Variants in MED13 observed in about 807,000 individuals in gnomAD.
The protein encoded by MED13 is mediator of RNA polymerase II transcription subunit 13.
A neutral mutation model predicts 225.2 loss-of-function variants in MED13; 23 were observed. The ratio of observed to expected loss-of-function variants is 0.10; its 90% CI spans 0.07 to 0.14. The LOEUF (loss-of-function observed/expected upper bound fraction) is 0.14, where lower values mean the gene tolerates loss of function less well. MED13 is among the 10% of genes least tolerant of loss of function. MED13 has a pLI of 1.00. For missense variants in MED13, 2,197 were observed against 2,594.5 expected (o/e 0.85, Z 3.33); for synonymous variants, 942 against 889.2 (o/e 1.06, Z -1.06).
chr17:62,061,742 C>T (rs1193378815), intron 2 of MED13, among the ~76,000 whole-genome samples: 1 of 152,088 alleles, frequency 6.6e-6, no homozygotes, highest in African/African-American at 2.4e-5. Context: ...CTAAAACTAC[C>T]ATATATACAT....
chr17:61,955,916 C>T (rs1603390953), intron 24 of MED13, 78 bp from the exon 25 acceptor site: 1 of 1,372,112 alleles, frequency 7.3e-7, no homozygotes, highest in African/African-American at 1.6e-5. Flanking sequence ...CCTGTAGAAC[C>T]AAGTTAAAGT....
chr17:62,050,987 AGAGT>A (rs2080952117), intron 3 of MED13, among the ~76,000 whole-genome samples: 1 of 152,228 alleles, frequency 6.6e-6, no homozygotes, highest in Non-Finnish European at 1.5e-5. Flanking sequence ...CCTGGGCAAC[AGAGT>A]GAGACTTTGT....
chr17:62,030,088 T>A, intron 6 of MED13, 75 bp from the exon 7 acceptor site: 1 of 1,237,578 alleles, frequency 8.1e-7, no homozygotes, highest in Non-Finnish European at 1.1e-6. Flanking sequence ...GGTTTTTTAT[T>A]AATTTGTGAT....
rs768399413 is a variant in MED13 at position 61,982,737 on chromosome 17, T to C, written c.3266A>G (p.Asn1089Ser). The C allele has an allele frequency of 1.2e-6, 2 of 1,614,208 alleles. No individual in the cohort carries two copies. Among genetic ancestry groups the C allele is most frequent in the Admixed American group, 3.3e-5 (2 of 60,024 alleles). Reference protein sequence around the residue: ...ESVMNLFKDCNFDSCCICVCN... With the variant: ...ESVMNLFKDCSFDSCCICVCN... ...AACACAGATGCAACAACTATCAAAG[T>C]TACAGTCTTTAAACAAATTCATAAC... is the stretch of plus-strand genomic sequence containing the variant. Residue 1089 changes from asparagine to serine, a missense_variant, in exon 16 of 30, where the codon AAC (asparagine) becomes AGC (serine). This residue lies in a region of MED13 where 99 missense variants were observed against 158.5 expected (regional missense o/e 0.62). Coordinates refer to ENST00000397786, the MANE Select transcript of MED13 (RefSeq NM_005121.3).
At chr17:62,058,393 T>C (rs2081011470) in intron 2 of MED13, among the ~76,000 whole-genome samples, 1 of 151,770 alleles carries the variant, frequency 6.6e-6, no homozygotes, top group East Asian at 1.9e-4. Context: ...TGATGACACA[T>C]GCCTGTAGTC....
chr17:61,958,364 G>A (rs1017549502), intron 23 of MED13, among the ~76,000 whole-genome samples: 14 of 151,164 alleles, frequency 9.3e-5, no homozygotes, highest in African/African-American at 3.4e-4. Flanking sequence ...TTTGAGACAA[G>A]AGTCTCGCTC....
intron 12 of MED13, among the ~76,000 whole-genome samples, chr17:61,985,708 G>A (rs897693210): frequency 6.6e-6 from 1 of 151,940 alleles, no homozygotes; most frequent in African/African-American, 2.4e-5. Flanking sequence ...CAATAAGAAG[G>A]GGTTGTAATT....
intron 3 of MED13, among the ~76,000 whole-genome samples, chr17:62,038,240 A>T (rs1340641581): frequency 6.6e-6 from 1 of 152,186 alleles, no homozygotes; most frequent in East Asian, 1.9e-4. Context: ...CAAAAAAATT[A>T]AAAATTAGCT....
In MED13 at chr17:61,958,208, C is replaced by T. The variant is rs148729454; in HGVS notation, c.5481-1727G>A. ...TTTGACACGGAGTCTAACTCTATCA[C>T]CCAGGCTAGAGTGCAATGGTATGGT... On this transcript the variant is annotated intron_variant, in intron 23 of 29. Coordinates refer to ENST00000397786, the MANE Select transcript of MED13 (RefSeq NM_005121.3). 7.3e-3 allele frequency among the ~76,000 whole-genome samples: 1,112 copies of T among 151,866 alleles called. 9 individuals are homozygous for T. Among genetic ancestry groups the T allele is most frequent in the African/African-American group, 0.025 (1,028 of 41,394 alleles).
intron 9 of MED13, among the ~76,000 whole-genome samples, chr17:61,998,925 CT>C (rs10617153): frequency 0.46 from 47,416 of 103,524 alleles, 11,490 homozygotes; most frequent in Non-Finnish European, 0.57. Context: ...TTAAATGGTA[CT>C]TTTTTTTTTT....
intron 3 of MED13, among the ~76,000 whole-genome samples, chr17:62,048,265 C>A (rs530747545): frequency 1.3e-5 from 2 of 149,798 alleles, no homozygotes; most frequent in Non-Finnish European, 3.0e-5. Context: ...ATTAGCCAGT[C>A]GTGGTGGCTA....
At chr17:61,993,959 AC>A (rs1175685035) in intron 10 of MED13, among the ~76,000 whole-genome samples, 1 of 148,118 alleles carries the variant, frequency 6.8e-6, no homozygotes, top group African/African-American at 2.6e-5. Context: ...AAAAAAAAAA[AC>A]TCACACGTAT....
Position 62,015,940 on chromosome 17 carries a change from ATATATATATATATATTTTTTTTTTTTT to A in MED13, c.1284-4734_1284-4708del, listed in dbSNP as rs1348777520. On this transcript the variant is annotated intron_variant, in intron 8 of 29. Coordinates refer to ENST00000397786, the MANE Select transcript of MED13 (RefSeq NM_005121.3). ...CATATATATATATATATATATATAT[ATATATATATATATATTTTTTTTTTTTT>A]TTTTTTTTTTTTTTTTAGTAGAGAC... Among the ~76,000 whole-genome samples the A allele has an allele frequency of 1.2e-3, 12 of 9,636 alleles. 2 individuals carry two copies. Among genetic ancestry groups the A allele is most frequent in the Admixed American group, 3.5e-3 (2 of 568 alleles). 6.3% of individuals were successfully genotyped at this position (9,636 alleles called of 152,430 possible). A position where few individuals can be genotyped will look rare whatever the true frequency, so the allele number is the denominator to read the frequency against.
At chr17:62,008,016 C>CAAAAAAAAAAAAAAAAAAAAAAAAAAAA (rs60236710) in intron 9 of MED13, among the ~76,000 whole-genome samples, 2 of 50,510 alleles carry the variant, frequency 4.0e-5, no homozygotes, top group African/African-American at 1.4e-4. Context: ...GAGACTGTCT[C>CAAAAAAAAAAAAAAAAAAAAAAAAAAAA]AAAAAAAAAA....
chr17:62,004,631 G>A (rs962772530), intron 9 of MED13: 1 of 152,212 alleles, frequency 6.6e-6, no homozygotes, highest in African/African-American at 2.4e-5. Flanking sequence ...GGAGGCAAGA[G>A]ACTGCATACA....
chr17:62,006,608 A>C (rs1306388608), intron 9 of MED13: 1 of 148,648 alleles, frequency 6.7e-6, no homozygotes, highest in South Asian at 2.1e-4. Flanking sequence ...CAATCAGTCT[A>C]TCTATTCTCT....
chr17:62,019,313 C>T (rs2080614398), intron 8 of MED13, among the ~76,000 whole-genome samples: 1 of 152,124 alleles, frequency 6.6e-6, no homozygotes, highest in African/African-American at 2.4e-5. Context: ...TAGTGGATGT[C>T]TATTTTATTC....
At chr17:61,974,759 T>C (rs972379426) in intron 16 of MED13, among the ~76,000 whole-genome samples, 1 of 152,106 alleles carries the variant, frequency 6.6e-6, no homozygotes, top group African/African-American at 2.4e-5. Flanking sequence ...CCCTTCCATA[T>C]ACTATACACA....
At chr17:61,987,252 T>C (rs561245855) in intron 11 of MED13, 124 bp from the exon 12 acceptor site, 3 of 452,718 alleles carry the variant, frequency 6.6e-6, no homozygotes, top group Admixed American at 8.9e-5. Context: ...CTGGCCAAGA[T>C]GGTGAAACCC....
Sources: allele counts gnomAD v4.1 joint callset (sites outside exome capture counted in the v4.1 genomes callset), GRCh38; gene constraint gnomAD v4.1.1; regional missense constraint gnomAD v4.1.1; transcripts MANE v1.5; gene names NCBI Gene and HGNC (gene_info 2026-07-23, HGNC 2026-07-21).